Variants in ZDHHC11B observed in about 807,000 individuals in gnomAD.
ZDHHC11B encodes probable palmitoyltransferase ZDHHC11B.
ZDHHC11B carries 17 observed loss-of-function variants against 42.3 expected under a neutral mutation model. The ratio of observed to expected loss-of-function variants is 0.40; its 90% CI spans 0.27 to 0.60. The LOEUF is 0.60. Ranked by LOEUF, ZDHHC11B falls within the 20% of genes least tolerant of loss-of-function variation. The pLI, the probability that ZDHHC11B is intolerant of heterozygous loss-of-function variation, is 0.41. For missense variants in ZDHHC11B, 262 were observed against 463.2 expected, an observed-to-expected ratio of 0.57 and a Z score of 3.99; for synonymous variants, 123 against 193.5, an observed-to-expected ratio of 0.64 and a Z score of 3.02.
In ZDHHC11B at chr5:745,934, C is replaced by T. The variant is rs1024791813; in HGVS notation, c.785-636G>A. On this transcript the variant is annotated intron_variant, in intron 8 of 13. Coordinates refer to ENST00000508859, the MANE Select transcript of ZDHHC11B (RefSeq NM_001351303.2). ...CTGTGAGTGCCACTCAGCACAGCCT[C>T]TGATGGCGCTGAGACAGGTCACCAT... Among the ~76,000 whole-genome samples, 27 of 149,810 alleles carry T rather than the reference C, an allele frequency of 1.8e-4. 2 individuals carry two copies. Among genetic ancestry groups the T allele is most frequent in the African/African-American group, 6.4e-4 (26 of 40,876 alleles).
In ZDHHC11B at chr5:716,835, T is replaced by A. The variant is rs1741786644; in HGVS notation, c.1089A>T (p.Lys363Asn). ...AGTCTTCACTTTCAGCACTGTCAGT[T>A]TTCATGGGCTCTGTTGTTTCTTGTT... is the stretch of plus-strand genomic sequence containing the variant. ...GLQQETTEPM[K>N]TDSAESED is the part of the protein sequence containing the mutation. The change falls in exon 13 of 14, where the codon AAA becomes AAT. Residue 363 changes from lysine to asparagine, a missense_variant. Physicochemically the swap from Lys to Asn is moderately conservative, Grantham distance 94. Around this residue, in one of 5 missense-constraint regions of ZDHHC11B, gnomAD observed 75 missense variants for 70.1 expected, o/e 1.07. Transcript: ENST00000508859. The A allele has an allele frequency of 6.2e-7, 1 of 1,613,168 alleles. No individual in the cohort carries two copies. The highest frequency in any genetic ancestry group is 1.3e-5 in the African/African-American group (1 of 74,748).
intron 12 of ZDHHC11B, among the ~76,000 whole-genome samples, chr5:727,647 A>G (rs1742691586): frequency 7.0e-6 from 1 of 143,054 alleles, no homozygotes; most frequent in Admixed American, 7.1e-5. Flanking sequence ...ATCTGAGTCT[A>G]GTGCTTATGG....
Position 726,207 on chromosome 5 carries a change from TG to T in ZDHHC11B, c.1058+4226del, listed in dbSNP as rs1387908440. ...AACATCACACCTCACAGGCTCTTAG[TG>T]AATGGACTTTCCCCGTGTGGCAAAG... is the stretch of plus-strand genomic sequence containing the variant. On this transcript the variant is annotated intron_variant, in intron 12 of 13. Transcript: ENST00000508859. Among the ~76,000 whole-genome samples, 164 of 151,728 alleles carry T rather than the reference TG, an allele frequency of 1.1e-3. 4 individuals are homozygous for T. The highest frequency in any genetic ancestry group is 0.011 in the Admixed American group (164 of 15,234).
At position 777,027 on chromosome 5, in the gene ZDHHC11B, A is replaced by T. The variant is rs563906827; in HGVS notation, c.-230+7641T>A. ...CCTTTCCCCCTGCAGCACAGGACGC[A>T]GTGTGTCTGGAATTGGTGGGTTATT... On this transcript the variant is annotated intron_variant, in intron 1 of 13. Coordinates refer to ENST00000508859, the MANE Select transcript of ZDHHC11B (RefSeq NM_001351303.2). Among the ~76,000 whole-genome samples the T allele has an allele frequency of 1.3e-4, 19 of 151,934 alleles. No individual in the cohort carries two copies. In the East Asian group the frequency reaches 3.7e-3, roughly 29 times the overall value.
At chr5:763,541 T>TG (rs1372957353) in intron 4 of ZDHHC11B, among the ~76,000 whole-genome samples, 1 of 151,746 alleles carries the variant, frequency 6.6e-6, no homozygotes, top group African/African-American at 2.4e-5. Flanking sequence ...AAGTCTAGAC[T>TG]GAGGGGCCTC....
At chr5:756,458 A>G (rs1733854802) in intron 4 of ZDHHC11B, among the ~76,000 whole-genome samples, 2 of 151,760 alleles carry the variant, frequency 1.3e-5, no homozygotes, top group Non-Finnish European at 2.9e-5. Flanking sequence ...CCCTGCACAC[A>G]CAGCCCTGTG....
At chr5:714,213 T>C (rs139759364) in intron 13 of ZDHHC11B, among the ~76,000 whole-genome samples, 11,979 of 108,566 alleles carry the variant, frequency 0.11, 433 homozygotes, top group African/African-American at 0.27. Context: ...CTTCATTTCA[T>C]TCCTTCTTTC....
chr5:714,878 A>C (rs1252419959), intron 13 of ZDHHC11B, among the ~76,000 whole-genome samples: 5 of 151,366 alleles, frequency 3.3e-5, no homozygotes, highest in Admixed American at 1.3e-4. Context: ...CCTCCCTCTG[A>C]AGGGAGTGAG....
rs534081535 is a variant in ZDHHC11B, at chr5:756,689, G to C, written c.223-545C>G. Among the ~76,000 whole-genome samples, 128 of 151,740 alleles carry C rather than the reference G, an allele frequency of 8.4e-4. 4 individuals carry two copies. The highest frequency in any genetic ancestry group is 2.8e-3 in the African/African-American group (116 of 41,344). On this transcript the variant is annotated intron_variant, in intron 4 of 13. Transcript: ENST00000508859. ...CGGATACAGCCCCAAAGGCCCTGGA[G>C]GAGCCTGGGTTCTTTCATACCAGAG...
intron 11 of ZDHHC11B, chr5:732,502 G>A (rs1386967477): frequency 2.8e-4 from 93 of 334,086 alleles, no homozygotes; most frequent in African/African-American, 1.6e-3. Flanking sequence ...CTGGGGGCTC[G>A]ATTGGTTTCC....
rs1227183897 is a variant in ZDHHC11B at position 755,006 on chromosome 5, C to G, written c.495G>C (p.Arg165=). ...CKWINNCVGS[R]NYWFFFSTVA... ...CCCTCTGTGCCCCTCACCAATAATT[C>G]CGGCTTCCCACGCAGTTGTTGATCC... The change falls in exon 6 of 14, where the codon CGG becomes CGC. Residue 165 remains arginine, a synonymous_variant. Transcript: ENST00000508859. The G allele has an allele frequency of 3.2e-6, 2 of 623,568 alleles. No homozygotes were observed. Among genetic ancestry groups the G allele is most frequent in the Non-Finnish European group, 5.3e-6 (2 of 374,986 alleles). The allele number at this position is 623,568 out of a possible 1,614,324, so 38.6% of individuals were successfully genotyped here.
At chr5:776,252 T>C (rs1673790275) in intron 1 of ZDHHC11B, among the ~76,000 whole-genome samples, 1 of 151,830 alleles carries the variant, frequency 6.6e-6, no homozygotes, top group African/African-American at 2.4e-5. Context: ...GCAAAGCTCC[T>C]GAGGGCCTGA....
rs1470706750 is a variant in ZDHHC11B at position 732,762 on chromosome 5, G to T, written c.1023+990C>A. The T allele has an allele frequency of 1.5e-4, 56 of 369,074 alleles. 1 individual carries two copies. Among genetic ancestry groups the T allele is most frequent in the African/African-American group, 8.8e-4 (42 of 47,460 alleles). 22.9% of individuals were successfully genotyped at this position (369,074 alleles called of 1,614,324 possible). ...GACCAGCCTGTGGCCTGGCATGGAG[G>T]CTCACGCCTCTAATCCCTGTGCTAT... is the stretch of plus-strand genomic sequence containing the variant. On this transcript the variant is annotated intron_variant, in intron 11 of 13. Transcript: ENST00000508859.
intron 11 of ZDHHC11B, among the ~76,000 whole-genome samples, chr5:731,078 T>G (rs640242): frequency 0.017 from 2,601 of 150,702 alleles, 65 homozygotes; most frequent in East Asian, 0.086. Flanking sequence ...GTGCTCTTGG[T>G]TAAGAACCTG....
rs905999791 is a variant in ZDHHC11B, at chr5:710,789, T to G, written c.*1501A>C. 2 of 154,126 alleles carry G rather than the reference T, an allele frequency of 1.3e-5. No individual in the cohort carries two copies. The highest frequency in any genetic ancestry group is 2.1e-4 in the South Asian group (1 of 4,784). The allele number at this position is 154,126 out of a possible 1,614,324, so 9.5% of individuals were successfully genotyped here. A position where few individuals can be genotyped will look rare whatever the true frequency, so the allele number is the denominator to read the frequency against. On this transcript the variant is annotated 3_prime_UTR_variant, in exon 14 of 14. Coordinates refer to ENST00000508859, the MANE Select transcript of ZDHHC11B (RefSeq NM_001351303.2). ...GCTGTGAGCTCCCATTTCCCAGTACTGTGCTCCCATTTCCGAATACTGTGC... is the reference window on the plus strand; with the variant it reads ...GCTGTGAGCTCCCATTTCCCAGTACGGTGCTCCCATTTCCGAATACTGTGC...
intron 8 of ZDHHC11B, 179 bp downstream of exon 8, chr5:748,225 G>A: frequency 1.6e-6 from 1 of 622,358 alleles, no homozygotes; most frequent in South Asian, 2.0e-5. Context: ...TGCCCTTTTT[G>A]TCCATGATCT....
intron 13 of ZDHHC11B, among the ~76,000 whole-genome samples, chr5:716,510 C>A (rs539786228): frequency 1.3e-5 from 2 of 151,848 alleles, no homozygotes; most frequent in East Asian, 1.9e-4. Context: ...GAAAATAATT[C>A]TTAGTTTAGA....
rs1428235529 is a variant in ZDHHC11B at position 733,754 on chromosome 5, G to A, written c.1021C>T (p.Gln341Ter). 1.9e-6 allele frequency: 3 copies of A among 1,610,382 alleles called. No homozygotes were observed. The highest frequency in any genetic ancestry group is 2.2e-5 in the South Asian group (2 of 90,958). Residue 341 changes from glutamine (Q) to a stop codon, truncating the protein, a stop_gained and splice_region_variant, in exon 11 of 14, where the codon CAG (glutamine) becomes TAG (stop). Coordinates refer to ENST00000508859, the MANE Select transcript of ZDHHC11B (RefSeq NM_001351303.2). LOFTEE classifies it high-confidence loss of function. ...SVNQDGDSKAQEADDAPSTST... is the reference protein window; with the variant it reads ...SVNQDGDSKA ...CATTGCTGGTGACTGCAACTTACCT[G>A]TGCCTTCGAATCCCCGTCCTGGTTT...
intron 7 of ZDHHC11B, among the ~76,000 whole-genome samples, chr5:749,846 C>T (rs1745373467): frequency 8.1e-6 from 1 of 122,714 alleles, no homozygotes; most frequent in African/African-American, 2.8e-5. Context: ...GAGAAGAACG[C>T]AACAGGCATC....
Sources: gnomAD v4.1 joint callset for allele counts (sites outside exome capture counted in the v4.1 genomes callset) on GRCh38, gnomAD v4.1.1 for gene constraint, gnomAD v4.1.1 regional missense constraint, MANE v1.5 for transcripts, NCBI Gene and HGNC (gene_info 2026-07-23, HGNC 2026-07-21) for gene names.